Variants in SLC24A2 observed in about 807,000 individuals in gnomAD.
The protein encoded by SLC24A2 is sodium/potassium/calcium exchanger 2.
SLC24A2 carries 36 observed loss-of-function variants against 62.0 expected under a neutral mutation model. That is an observed-to-expected ratio of 0.58 (90% CI 0.44 to 0.77). The LOEUF (loss-of-function observed/expected upper bound fraction) is 0.77. SLC24A2 is among the 30% of genes least tolerant of loss of function. SLC24A2 has a pLI of 0.00. For synonymous variants in SLC24A2, 358 were observed against 294.0 expected (o/e 1.22, Z -2.23); for missense variants, 846 against 817.9 (o/e 1.03, Z -0.42).
At chr9:19,927,017 C>T in the SLC24A2 span, 2 of 152,240 alleles carry the variant, frequency 1.3e-5, no homozygotes, top group Admixed American at 1.3e-4. Flanking sequence ...GGCGTAACTC[C>T]CACAAGTGTT....
At chr9:20,108,281 T>G in the SLC24A2 span, among the ~76,000 whole-genome samples, 5 of 152,056 alleles carry the variant, frequency 3.3e-5, no homozygotes, top group African/African-American at 1.2e-4. Context: ...ATTGTGGAAG[T>G]CAGTGTGGCG....
the SLC24A2 span, among the ~76,000 whole-genome samples, chr9:20,228,358 G>C: frequency 1.3e-5 from 2 of 152,044 alleles, no homozygotes; most frequent in Non-Finnish European, 2.9e-5. Context: ...AGAGCGCTCT[G>C]AGTTGGGGGT....
intron 8 of SLC24A2, among the ~76,000 whole-genome samples, chr9:19,541,279 A>G (rs374779681): frequency 2.9e-3 from 428 of 149,578 alleles, no homozygotes; most frequent in Non-Finnish European, 5.2e-3. Context: ...GAGGAGAGGC[A>G]CTCTGCTTTT....
chr9:19,692,821 A>C (rs994842172), intron 2 of SLC24A2, among the ~76,000 whole-genome samples: 6 of 152,188 alleles, frequency 3.9e-5, no homozygotes, highest in African/African-American at 1.2e-4. Flanking sequence ...GTGCTCGATA[A>C]AAATTTGTTA....
intron 3 of SLC24A2, 140 bp from the exon 4 acceptor site, chr9:19,619,832 A>G: frequency 1.4e-6 from 1 of 715,084 alleles, no homozygotes; most frequent in Non-Finnish European, 2.5e-6. Context: ...TTCAAAGCAC[A>G]TTTCAAAGCC....
At chr9:20,082,727 G>T in the SLC24A2 span, among the ~76,000 whole-genome samples, 4 of 152,214 alleles carry the variant, frequency 2.6e-5, no homozygotes, top group Admixed American at 2.0e-4. Context: ...ATTCCCCATG[G>T]TGGGGGAGCA....
the SLC24A2 span, among the ~76,000 whole-genome samples, chr9:19,914,398 G>C: frequency 6.6e-6 from 1 of 151,976 alleles, no homozygotes; most frequent in Non-Finnish European, 1.5e-5. Context: ...GACCCTACTT[G>C]ATCTGGTCCA....
chr9:19,860,891 G>A, the SLC24A2 span, among the ~76,000 whole-genome samples: 6 of 152,180 alleles, frequency 3.9e-5, no homozygotes, highest in Admixed American at 6.5e-5. Context: ...GGGAAGAACC[G>A]TGTCTTGTGG....
chr9:19,530,718 G>A (rs1833667392), intron 8 of SLC24A2, among the ~76,000 whole-genome samples: 1 of 152,138 alleles, frequency 6.6e-6, no homozygotes, highest in Admixed American at 6.5e-5. Context: ...TAATCAAGAA[G>A]CCAATTAGTA....
chr9:20,104,325 T>C, the SLC24A2 span, among the ~76,000 whole-genome samples: 1 of 152,128 alleles, frequency 6.6e-6, no homozygotes, highest in African/African-American at 2.4e-5. Flanking sequence ...CAGGCCAACA[T>C]TCACATTCAG....
intron 2 of SLC24A2, among the ~76,000 whole-genome samples, chr9:19,654,447 C>G (rs1425016916): frequency 6.6e-6 from 1 of 152,144 alleles, no homozygotes. Flanking sequence ...GTTTTCTCCT[C>G]AACTGGTTAG....
the SLC24A2 span, among the ~76,000 whole-genome samples, chr9:20,277,011 G>A: frequency 6.6e-6 from 1 of 152,172 alleles, no homozygotes; most frequent in African/African-American, 2.4e-5. Flanking sequence ...GAAGTTCACT[G>A]ACATGCCCTA....
At chr9:19,719,522 A>G (rs900211719) in intron 2 of SLC24A2, among the ~76,000 whole-genome samples, 1 of 150,586 alleles carries the variant, frequency 6.6e-6, no homozygotes, top group Non-Finnish European at 1.5e-5. Context: ...GAGGAACTGG[A>G]CTGCTTGAGA....
chr9:19,902,191 T>A, the SLC24A2 span, among the ~76,000 whole-genome samples: 13 of 152,200 alleles, frequency 8.5e-5, no homozygotes, highest in African/African-American at 3.1e-4. Context: ...TAATGAGACG[T>A]GTCTCACCTC....
intron 8 of SLC24A2, among the ~76,000 whole-genome samples, chr9:19,544,666 G>T (rs200075617): frequency 1.3e-5 from 2 of 152,114 alleles, no homozygotes; most frequent in African/African-American, 2.4e-5. Context: ...CTGTAAAGGA[G>T]TTTATTTCTC....
At chr9:19,750,465 C>T (rs1821950441) in intron 2 of SLC24A2, among the ~76,000 whole-genome samples, 1 of 151,934 alleles carries the variant, frequency 6.6e-6, no homozygotes, top group Admixed American at 6.6e-5. Context: ...ATGCCACTGC[C>T]CCCTCATACT....
chr9:19,674,634 T>C (rs919819643), intron 2 of SLC24A2, among the ~76,000 whole-genome samples: 5 of 152,320 alleles, frequency 3.3e-5, no homozygotes, highest in African/African-American at 1.2e-4. Context: ...CTGAAGTTCT[T>C]AGTTTGTTCG....
the SLC24A2 span, among the ~76,000 whole-genome samples, chr9:20,305,068 A>T: frequency 2.0e-5 from 3 of 151,706 alleles, no homozygotes; most frequent in Non-Finnish European, 4.4e-5. Flanking sequence ...ATTTAAAGAC[A>T]TGCATGTTAA....
chr9:20,236,761 T>C, the SLC24A2 span, among the ~76,000 whole-genome samples: 1 of 152,124 alleles, frequency 6.6e-6, no homozygotes, highest in Non-Finnish European at 1.5e-5. Context: ...AAAAGTAGAA[T>C]TCTTTTCACC....
Sources: allele counts gnomAD v4.1 joint callset (sites outside exome capture counted in the v4.1 genomes callset), GRCh38; gene constraint gnomAD v4.1.1; transcripts MANE v1.5; gene names NCBI Gene and HGNC (gene_info 2026-07-23, HGNC 2026-07-21).